Variants in PCDH9 observed in about 807,000 individuals in gnomAD.
The protein encoded by PCDH9 is protocadherin 9.
A neutral mutation model predicts 70.6 loss-of-function variants in PCDH9; 24 were observed. That is an observed-to-expected ratio of 0.34 (90% CI 0.25 to 0.48). The LOEUF (loss-of-function observed/expected upper bound fraction) is 0.48. Ranked by LOEUF, PCDH9 falls within the 20% of genes least tolerant of loss-of-function variation. The probability of loss-of-function intolerance (pLI) is 0.99; values close to 1 mark genes in which losing one functional copy is unlikely to be tolerated. For synonymous variants in PCDH9, 562 were observed against 558.5 expected (o/e 1.01, Z -0.09); for missense variants, 1,281 against 1,503.6 (o/e 0.85, Z 2.45).
chr13:67,176,389 C>T (rs2088457519), intron 2 of PCDH9, among the ~76,000 whole-genome samples: 1 of 151,970 alleles, frequency 6.6e-6, no homozygotes, highest in Admixed American at 6.6e-5. Flanking sequence ...AGCATTTTAC[C>T]CCACTCTCTT....
At chr13:66,485,817 T>C (rs889906030) in intron 4 of PCDH9, among the ~76,000 whole-genome samples, 2 of 151,936 alleles carry the variant, frequency 1.3e-5, no homozygotes, top group African/African-American at 4.8e-5. Context: ...TCTCAGCTCA[T>C]TGCAACCTCC....
intron 4 of PCDH9, among the ~76,000 whole-genome samples, chr13:66,385,968 C>T (rs1380595268): frequency 6.7e-6 from 1 of 150,314 alleles, no homozygotes; most frequent in Admixed American, 6.6e-5. Context: ...AACTGTATTT[C>T]CTATTTTGTT....
intron 2 of PCDH9, among the ~76,000 whole-genome samples, chr13:67,096,191 A>G (rs539102304): frequency 6.6e-6 from 1 of 152,228 alleles, no homozygotes; most frequent in South Asian, 2.1e-4. Flanking sequence ...CACAAGATAA[A>G]TCGTGTGTAT....
At chr13:66,802,004 T>A (rs202014206) in intron 3 of PCDH9, among the ~76,000 whole-genome samples, 36 of 36,944 alleles carry the variant, frequency 9.7e-4, no homozygotes, top group Admixed American at 2.3e-3. Flanking sequence ...TTCTGTTTGT[T>A]TGTTTGTTTG....
At chr13:67,064,757 C>T (rs910937890) in intron 2 of PCDH9, among the ~76,000 whole-genome samples, 3 of 152,056 alleles carry the variant, frequency 2.0e-5, no homozygotes, top group Admixed American at 1.3e-4. Context: ...ACATTGCACA[C>T]ATTTTTAATG....
At chr13:67,103,072 A>G (rs1183466215) in intron 2 of PCDH9, among the ~76,000 whole-genome samples, 1 of 152,160 alleles carries the variant, frequency 6.6e-6, no homozygotes, top group Non-Finnish European at 1.5e-5. Flanking sequence ...TAGCTCTGCT[A>G]CACACATGTT....
chr13:66,568,085 T>G (rs1316218117), intron 4 of PCDH9, among the ~76,000 whole-genome samples: 1 of 152,058 alleles, frequency 6.6e-6, no homozygotes, highest in Non-Finnish European at 1.5e-5. Flanking sequence ...AGATAAGACG[T>G]GTAAGAAAGT....
intron 2 of PCDH9, among the ~76,000 whole-genome samples, chr13:67,161,571 A>G (rs1166873123): frequency 6.6e-6 from 1 of 152,182 alleles, no homozygotes; most frequent in Non-Finnish European, 1.5e-5. Context: ...CTGAACTCCA[A>G]GAGGAGTAAG....
chr13:66,485,687 A>G (rs1279688044), intron 4 of PCDH9, among the ~76,000 whole-genome samples: 2 of 151,968 alleles, frequency 1.3e-5, no homozygotes, highest in African/African-American at 2.4e-5. Flanking sequence ...TAACTAATAA[A>G]TTATTCTTCA....
At chr13:66,934,578 C>G (rs1272143221) in intron 2 of PCDH9, among the ~76,000 whole-genome samples, 1 of 98,084 alleles carries the variant, frequency 1.0e-5, no homozygotes, top group African/African-American at 3.3e-5. Flanking sequence ...AATACAAAAA[C>G]TCCTTGAAGC....
chr13:66,444,133 C>G (rs953129039), intron 4 of PCDH9, among the ~76,000 whole-genome samples: 1 of 152,184 alleles, frequency 6.6e-6, no homozygotes, highest in African/African-American at 2.4e-5. Flanking sequence ...GCCATTCTTA[C>G]TCTCCAGCAC....
chr13:67,132,268 A>G (rs1248475911), intron 2 of PCDH9, among the ~76,000 whole-genome samples: 2 of 152,150 alleles, frequency 1.3e-5, no homozygotes, highest in East Asian at 3.9e-4. Flanking sequence ...CCATTTAACT[A>G]CATTACCGTA....
chr13:66,607,498 A>G (rs1037245728), intron 4 of PCDH9, among the ~76,000 whole-genome samples: 5 of 152,090 alleles, frequency 3.3e-5, no homozygotes, highest in African/African-American at 9.7e-5. Context: ...AACTACTCAT[A>G]GTAAAGGCAA....
intron 2 of PCDH9, among the ~76,000 whole-genome samples, chr13:66,966,747 C>A (rs2083440078): frequency 6.6e-6 from 1 of 151,916 alleles, no homozygotes; most frequent in African/African-American, 2.4e-5. Flanking sequence ...GTCATGAGGG[C>A]ATGACAGTGT....
At chr13:66,995,412 C>A (rs1354955289) in intron 2 of PCDH9, among the ~76,000 whole-genome samples, 3 of 152,142 alleles carry the variant, frequency 2.0e-5, no homozygotes, top group Non-Finnish European at 1.5e-5. Flanking sequence ...ATGGTAAATG[C>A]ACCTGCAGTG....
intron 3 of PCDH9, among the ~76,000 whole-genome samples, chr13:66,740,773 C>T (rs1313082521): frequency 2.0e-5 from 3 of 151,608 alleles, no homozygotes; most frequent in South Asian, 2.1e-4. Flanking sequence ...CACATACACT[C>T]TCCCAAGACT....
intron 3 of PCDH9, among the ~76,000 whole-genome samples, chr13:66,687,490 C>A (rs1196670743): frequency 2.0e-5 from 3 of 152,068 alleles, no homozygotes; most frequent in Non-Finnish European, 4.4e-5. Flanking sequence ...TAAGATCAGT[C>A]CTCACTCTAT....
chr13:66,993,764 A>T (rs2084050757), intron 2 of PCDH9, among the ~76,000 whole-genome samples: 1 of 152,186 alleles, frequency 6.6e-6, no homozygotes, highest in Non-Finnish European at 1.5e-5. Context: ...ATCACACGAA[A>T]AATATTTTCA....
chr13:66,574,427 A>G (rs2076782894), intron 4 of PCDH9, among the ~76,000 whole-genome samples: 1 of 152,154 alleles, frequency 6.6e-6, no homozygotes, highest in East Asian at 1.9e-4. Flanking sequence ...TCAGGTGAAA[A>G]TAACCTTAAA....
Sources: allele counts gnomAD v4.1 joint callset (sites outside exome capture counted in the v4.1 genomes callset), GRCh38; gene constraint gnomAD v4.1.1; transcripts MANE v1.5; gene names NCBI Gene and HGNC (gene_info 2026-07-23, HGNC 2026-07-21).